The following SLC9B1 variants were observed in gnomAD, a reference collection of about 807,000 sequenced individuals.
SLC9B1 encodes solute carrier family 9 member B1, also known as sodium/hydrogen exchanger 9B1.
In SLC9B1, 32 loss-of-function variants were observed where a neutral mutation model predicts 51.7. The ratio of observed to expected loss-of-function variants is 0.62; its 90% CI spans 0.47 to 0.83. The LOEUF (loss-of-function observed/expected upper bound fraction) is 0.83, where lower values mean the gene tolerates loss of function less well. Among genes scored for constraint, SLC9B1 ranks in the 40% least tolerant of loss-of-function variants. The pLI is 0.00. For synonymous variants in SLC9B1, 145 were observed against 212.7 expected (o/e 0.68, Z 2.77); for missense variants, 406 against 613.2 (o/e 0.66, Z 3.57).
At chr4:102,975,750 G>A (rs1162326519) in intron 3 of SLC9B1, among the ~76,000 whole-genome samples, 1 of 151,282 alleles carries the variant, frequency 6.6e-6, no homozygotes, top group Admixed American at 6.6e-5. Flanking sequence ...GTATTTTTTA[G>A]TAGAGATGGG....
At chr4:102,947,060 G>T (rs1051551442) in intron 4 of SLC9B1, among the ~76,000 whole-genome samples, 16 of 152,116 alleles carry the variant, frequency 1.1e-4, no homozygotes, top group African/African-American at 3.9e-4. Context: ...TCATAGAAAG[G>T]TCTCCCCCCA....
At chr4:102,949,858 G>A (rs1403425646) in intron 3 of SLC9B1, among the ~76,000 whole-genome samples, 2 of 152,116 alleles carry the variant, frequency 1.3e-5, no homozygotes, top group African/African-American at 4.8e-5. Flanking sequence ...CTACATGGGA[G>A]GCTGGGTCAG....
intron 11 of SLC9B1, among the ~76,000 whole-genome samples, chr4:102,903,156 G>C (rs1734865389): frequency 6.6e-6 from 1 of 152,130 alleles, no homozygotes; most frequent in African/African-American, 2.4e-5. Context: ...TGCAGGACTC[G>C]AGTGAGTGGT....
chr4:102,966,857 C>G (rs1035067330), intron 3 of SLC9B1, among the ~76,000 whole-genome samples: 1 of 152,162 alleles, frequency 6.6e-6, no homozygotes, highest in Non-Finnish European at 1.5e-5. Flanking sequence ...AATTTTTATG[C>G]TTGCTTCCCT....
intron 6 of SLC9B1, among the ~76,000 whole-genome samples, chr4:102,937,692 C>G (rs992981206): frequency 9.0e-5 from 12 of 133,308 alleles, no homozygotes; most frequent in African/African-American, 3.5e-4. Context: ...CCACTGCACT[C>G]CAGCCTGGCG....
At chr4:102,888,424 C>G (rs1734051627) in intron 11 of SLC9B1, 1 of 152,106 alleles carries the variant, frequency 6.6e-6, no homozygotes, top group Non-Finnish European at 1.5e-5. Context: ...AGTTTCACAT[C>G]CCATGCACAA....
intron 1 of SLC9B1, among the ~76,000 whole-genome samples, chr4:102,992,354 T>C (rs927256478): frequency 5.9e-5 from 9 of 152,170 alleles, no homozygotes; most frequent in African/African-American, 2.2e-4. Context: ...GTAACTTTTC[T>C]TAAAAATATC....
At chr4:102,915,973 C>T (rs1478752620) in intron 7 of SLC9B1, among the ~76,000 whole-genome samples, 1 of 151,564 alleles carries the variant, frequency 6.6e-6, no homozygotes, top group Non-Finnish European at 1.5e-5. Context: ...CAAGCATGCC[C>T]CTACCAAAAA....
At chr4:102,959,623 A>G (rs913979103) in intron 3 of SLC9B1, among the ~76,000 whole-genome samples, 50 of 152,326 alleles carry the variant, frequency 3.3e-4, no homozygotes, top group African/African-American at 1.1e-3. Context: ...GAATATCAAT[A>G]GACAAGACAA....
In SLC9B1 at chr4:103,013,162, C is replaced by T. The variant is rs113278394; in HGVS notation, c.-2+6437G>A. Among the ~76,000 whole-genome samples, 487 of 152,340 alleles carry T rather than the reference C, an allele frequency of 3.2e-3. 4 individuals are homozygous for T. Among genetic ancestry groups the T allele is most frequent in the Middle Eastern group, 0.017 (5 of 294 alleles). ...TGCTATACATGGAATCAAACTGTCT[C>T]ACCAGCTTTCTTTCTGGTTCTTTCT... On this transcript the variant is annotated intron_variant, in intron 1 of 11. Coordinates refer to ENST00000296422, the MANE Select transcript of SLC9B1 (RefSeq NM_139173.4).
intron 3 of SLC9B1, among the ~76,000 whole-genome samples, chr4:102,985,697 G>T (rs1739582755): frequency 6.6e-6 from 1 of 151,812 alleles, no homozygotes; most frequent in South Asian, 2.1e-4. Flanking sequence ...CTAATTTTTT[G>T]TATTTTTAGT....
chr4:102,950,401 G>GAATCC (rs1376315205), intron 3 of SLC9B1, among the ~76,000 whole-genome samples: 2 of 152,146 alleles, frequency 1.3e-5, no homozygotes, highest in Non-Finnish European at 2.9e-5. Context: ...ACTCACTGAG[G>GAATCC]AATCCATAGG....
At chr4:103,015,580 G>A (rs1015642261) in intron 1 of SLC9B1, among the ~76,000 whole-genome samples, 2 of 152,002 alleles carry the variant, frequency 1.3e-5, no homozygotes, top group Non-Finnish European at 2.9e-5. Flanking sequence ...AATCTCAAAT[G>A]GCCACTCAAC....
intron 6 of SLC9B1, among the ~76,000 whole-genome samples, chr4:102,943,504 T>TACACACACACACACACACAC (rs1319877290): frequency 6.3e-4 from 45 of 71,968 alleles, no homozygotes; most frequent in Non-Finnish European, 6.2e-4. Context: ...TATGTGTATG[T>TACACACACACACACACACAC]ATACACACAC....
chr4:102,940,197 C>G (rs866604934), intron 6 of SLC9B1, among the ~76,000 whole-genome samples: 11 of 152,172 alleles, frequency 7.2e-5, no homozygotes, highest in Admixed American at 1.3e-4. Context: ...TGTAGCATTT[C>G]TATACACCAA....
At chr4:102,955,300 C>T (rs2110482172) in intron 3 of SLC9B1, among the ~76,000 whole-genome samples, 1 of 152,314 alleles carries the variant, frequency 6.6e-6, no homozygotes, top group South Asian at 2.1e-4. Flanking sequence ...CCTTTCACCT[C>T]CCGACATGAT....
At chr4:103,014,212 T>C (rs1048979111) in intron 1 of SLC9B1, among the ~76,000 whole-genome samples, 1 of 152,202 alleles carries the variant, frequency 6.6e-6, no homozygotes, top group South Asian at 2.1e-4. Context: ...GTCTCACATC[T>C]CCAAAACTTT....
intron 2 of SLC9B1, 93 bp downstream of exon 2, chr4:102,991,550 T>C: frequency 1.2e-6 from 1 of 845,206 alleles, no homozygotes; most frequent in Non-Finnish European, 1.7e-6. Flanking sequence ...ACCAGATATA[T>C]AAAAGAAACC....
At chr4:102,935,036 C>G (rs527766632) in intron 6 of SLC9B1, among the ~76,000 whole-genome samples, 1 of 151,516 alleles carries the variant, frequency 6.6e-6, no homozygotes, top group African/African-American at 2.4e-5. Flanking sequence ...TTGAAAATAA[C>G]AAAATACACT....
Sources: gnomAD v4.1 joint callset for allele counts (sites outside exome capture counted in the v4.1 genomes callset) on GRCh38, gnomAD v4.1.1 for gene constraint, MANE v1.5 for transcripts, NCBI Gene and HGNC (gene_info 2026-07-23, HGNC 2026-07-21) for gene names.